Variants in RPGRIP1L observed in about 807,000 individuals in gnomAD.
RPGRIP1L encodes the protein RPGRIP1 like, also known as protein fantom.
A neutral mutation model predicts 160.4 loss-of-function variants in RPGRIP1L; 131 were observed. That is an observed-to-expected ratio of 0.82 (90% CI 0.71 to 0.94). RPGRIP1L has a LOEUF of 0.94. Ranked by LOEUF, RPGRIP1L falls within the 40% of genes least tolerant of loss-of-function variation. The pLI, the probability that RPGRIP1L is intolerant of heterozygous loss-of-function variation, is 0.00. For missense variants in RPGRIP1L, 1,522 were observed against 1,535.8 expected (o/e 0.99, Z 0.15); for synonymous variants, 510 against 515.8 (o/e 0.99, Z 0.15).
chr16:53,616,986 C>T (rs893791963), intron 24 of RPGRIP1L, among the ~76,000 whole-genome samples: 3 of 145,378 alleles, frequency 2.1e-5, no homozygotes, highest in South Asian at 2.2e-4. Flanking sequence ...GTGAAAGGAT[C>T]GCTTAAACCC....
At chr16:53,670,706 C>T (rs1968640479) in intron 9 of RPGRIP1L, among the ~76,000 whole-genome samples, 1 of 152,148 alleles carries the variant, frequency 6.6e-6, no homozygotes. Flanking sequence ...GACACCTTTG[C>T]TTTTCCCTAA....
intron 9 of RPGRIP1L, among the ~76,000 whole-genome samples, chr16:53,670,425 T>G (rs534376319): frequency 1.3e-5 from 2 of 152,304 alleles, no homozygotes; most frequent in Admixed American, 1.3e-4. Context: ...TGCTTTCATG[T>G]AAACCTGTAT....
rs149472178 is a variant in RPGRIP1L, at chr16:53,623,078, T to C, written c.3295-722A>G. ...TGTTGAAAGCATATATTTCAGACATTGTTTTAACTGTTGGGGAGATAAAGA... is the reference window on the plus strand; with the variant it reads ...TGTTGAAAGCATATATTTCAGACATCGTTTTAACTGTTGGGGAGATAAAGA... On this transcript the variant is annotated intron_variant, in intron 22 of 26. Transcript: ENST00000647211. Among the ~76,000 whole-genome samples, 487 of 152,314 alleles carry C rather than the reference T, an allele frequency of 3.2e-3. 6 individuals carry two copies. The highest frequency in any genetic ancestry group is 0.011 in the African/African-American group (439 of 41,562).
intron 26 of RPGRIP1L, among the ~76,000 whole-genome samples, chr16:53,602,660 A>G (rs1963440706): frequency 6.6e-6 from 1 of 152,080 alleles, no homozygotes; most frequent in African/African-American, 2.4e-5. Flanking sequence ...CTGTAGTCCC[A>G]GCTACTCAGA....
In RPGRIP1L at chr16:53,658,822, G is replaced by C; in HGVS notation, c.1300C>G (p.Gln434Glu). 6.2e-7 allele frequency: 1 copy of C among 1,609,294 alleles called. No individual in the cohort carries two copies. The highest frequency in any genetic ancestry group is 8.5e-7 in the Non-Finnish European group (1 of 1,177,066). Residue 434 changes from glutamine (Q) to glutamate (E), a missense_variant, in exon 11 of 27, where the codon CAA (glutamine) becomes GAA (glutamate). Gln to Glu is a conservative substitution (Grantham distance 29, BLOSUM62 2). Coordinates refer to ENST00000647211, the MANE Select transcript of RPGRIP1L (RefSeq NM_015272.5). ...TTAAGTTCATCAAGTTGTTGCTTTT[G>C]TTCCAGATACTGTAACTGTAGTTCT... is the stretch of plus-strand genomic sequence containing the variant. ...NRELQLQYLE[Q>E]KQQLDELKKR...
intron 2 of RPGRIP1L, among the ~76,000 whole-genome samples, chr16:53,697,178 ACT>A (rs1467741020): frequency 1.3e-5 from 2 of 151,224 alleles, no homozygotes; most frequent in Admixed American, 6.6e-5. Flanking sequence ...AGAGAGCGAG[ACT>A]CTGTCTCAAA....
At chr16:53,659,301 G>T in intron 10 of RPGRIP1L, 2 of 494,218 alleles carry the variant, frequency 4.0e-6, no homozygotes, top group Non-Finnish European at 5.4e-6. Context: ...TCCCAACTTA[G>T]CATATAGTAT....
chr16:53,652,546 G>A lies in RPGRIP1L; in HGVS notation c.2141C>T (p.Ala714Val). The A allele has an allele frequency of 6.2e-7, 1 of 1,612,710 alleles. No homozygotes were observed. Among genetic ancestry groups the A allele is most frequent in the South Asian group, 1.1e-5 (1 of 91,048 alleles). ...LEKSGRIFCT[A>V]SLIGTKGDIP... ...TACATTGTACTTACCAATCAAACTT[G>A]CTGTACAAAATATTCGGCCGCTTTT... Residue 714 changes from alanine to valine, a missense_variant, in exon 15 of 27, where the codon GCA (alanine) becomes GTA (valine). By Grantham distance (64) the Ala-to-Val change is moderately conservative. Coordinates refer to ENST00000647211, the MANE Select transcript of RPGRIP1L (RefSeq NM_015272.5).
At chr16:53,678,184 AT>A (rs1382917687) in intron 6 of RPGRIP1L, among the ~76,000 whole-genome samples, 1 of 151,750 alleles carries the variant, frequency 6.6e-6, no homozygotes, top group African/African-American at 2.4e-5. Flanking sequence ...ATCAAATCTT[AT>A]AAAACTATGA....
chr16:53,624,281 A>G (rs897564760), intron 22 of RPGRIP1L, among the ~76,000 whole-genome samples: 1 of 152,224 alleles, frequency 6.6e-6, no homozygotes, highest in Non-Finnish European at 1.5e-5. Flanking sequence ...GGCTGGGCGC[A>G]CTGGCTCATG....
chr16:53,622,398 C>T (rs1054982030), intron 22 of RPGRIP1L, 42 bp from the exon 23 acceptor site: 3 of 589,738 alleles, frequency 5.1e-6, no homozygotes, highest in East Asian at 2.9e-5. Context: ...TTAAGAAGCA[C>T]ATTAAATGCA....
chr16:53,664,058 A>G (rs1288365823), intron 10 of RPGRIP1L, among the ~76,000 whole-genome samples: 1 of 152,232 alleles, frequency 6.6e-6, no homozygotes, highest in African/African-American at 2.4e-5. Flanking sequence ...TTTCAAAAGC[A>G]GCAACCTTCT....
At position 53,696,132 on chromosome 16, in the gene RPGRIP1L, A is replaced by G. The variant is rs1298671149; in HGVS notation, c.230+19T>C. ...TTTTACTGAGTCAAGAAAAAAAGCT[A>G]AAAGCTTTTTATCATAACCTTTTAA... On this transcript the variant is annotated intron_variant, in intron 3 of 26. Coordinates refer to ENST00000647211, the MANE Select transcript of RPGRIP1L (RefSeq NM_015272.5). The G allele has an allele frequency of 6.2e-7, 1 of 1,612,006 alleles. No individual in the cohort carries two copies. The highest frequency in any genetic ancestry group is 1.7e-5 in the Admixed American group (1 of 60,010).
At chr16:53,605,291 AG>A in intron 26 of RPGRIP1L, 189 bp downstream of exon 26, 1 of 634,704 alleles carries the variant, frequency 1.6e-6, no homozygotes, top group Non-Finnish European at 2.8e-6. Flanking sequence ...TTCAAAGGAA[AG>A]CAGGGGGGAG....
chr16:53,698,289 A>ACCC (rs1971001238), intron 2 of RPGRIP1L, among the ~76,000 whole-genome samples: 1 of 118,714 alleles, frequency 8.4e-6, no homozygotes, highest in Non-Finnish European at 1.7e-5. Flanking sequence ...AGCCCCCGCC[A>ACCC]GGCCAGCCGC....
intron 10 of RPGRIP1L, 34 bp from the exon 11 acceptor site, chr16:53,658,912 A>C: frequency 1.5e-6 from 2 of 1,335,700 alleles, no homozygotes; most frequent in South Asian, 2.4e-5. Flanking sequence ...TGGAAAGGTA[A>C]GTAAAAATCA....
At chr16:53,618,468 AACTATG>A (rs775031319) in intron 24 of RPGRIP1L, among the ~76,000 whole-genome samples, 8 of 152,196 alleles carry the variant, frequency 5.3e-5, no homozygotes, top group Non-Finnish European at 8.8e-5. Flanking sequence ...TTTTCTGTTG[AACTATG>A]ACATAGCAGG....
chr16:53,658,681 G>A (rs1419319434), intron 11 of RPGRIP1L, 91 bp downstream of exon 11: 5 of 919,494 alleles, frequency 5.4e-6, no homozygotes, highest in Middle Eastern at 6.4e-4. Context: ...ATATCTGTAT[G>A]CTTTCGCTTT....
intron 22 of RPGRIP1L, among the ~76,000 whole-genome samples, chr16:53,634,915 T>C (rs1389582209): frequency 6.6e-6 from 1 of 152,184 alleles, no homozygotes; most frequent in Non-Finnish European, 1.5e-5. Flanking sequence ...AAATAGAATT[T>C]TTTAAAGCCC....
Sources: allele counts gnomAD v4.1 joint callset (sites outside exome capture counted in the v4.1 genomes callset), GRCh38; gene constraint gnomAD v4.1.1; transcripts MANE v1.5; gene names NCBI Gene and HGNC (gene_info 2026-07-23, HGNC 2026-07-21).